Variants in HIF1AN observed in about 807,000 individuals in gnomAD.
HIF1AN encodes hypoxia inducible factor 1 subunit alpha inhibitor.
Under a neutral mutation model 47.7 loss-of-function variants are expected in HIF1AN, and 21 were observed. The observed-to-expected ratio is 0.44, with a 90% confidence interval of 0.31 to 0.63. The LOEUF (loss-of-function observed/expected upper bound fraction) is 0.63. Among genes scored for constraint, HIF1AN ranks in the 30% least tolerant of loss-of-function variants. HIF1AN has a pLI of 0.07. For synonymous variants in HIF1AN, 152 were observed against 155.9 expected, an observed-to-expected ratio of 0.98 and a Z score of 0.18; for missense variants, 320 against 432.7, an observed-to-expected ratio of 0.74 and a Z score of 2.31.
At chr10:100,541,028 C>T (rs1843022809) in intron 3 of HIF1AN, among the ~76,000 whole-genome samples, 1 of 151,736 alleles carries the variant, frequency 6.6e-6, no homozygotes, top group South Asian at 2.1e-4. Flanking sequence ...TCCCGGCCAA[C>T]ATCATGAAAC....
chr10:100,554,895 A>G lies in HIF1AN; in HGVS notation c.*6758A>G, dbSNP rs1358970383. ...TTCAGAAAAATATGAGTGGGATGTTAATAGCTACCATTTGTTGAACACTTC... is the reference window on the plus strand; with the variant it reads ...TTCAGAAAAATATGAGTGGGATGTTGATAGCTACCATTTGTTGAACACTTC... On this transcript the variant is annotated 3_prime_UTR_variant, in exon 8 of 8. Coordinates refer to ENST00000299163, the MANE Select transcript of HIF1AN (RefSeq NM_017902.3). 1 of 152,078 alleles carries G rather than the reference A, an allele frequency of 6.6e-6. No homozygotes were observed. Among genetic ancestry groups the G allele is most frequent in the African/African-American group, 2.4e-5 (1 of 41,392 alleles). The allele number at this position is 152,078 out of a possible 1,614,324, so 9.4% of individuals were successfully genotyped here. A position where few individuals can be genotyped will look rare whatever the true frequency, so the allele number is the denominator to read the frequency against.
At chr10:100,543,972 G>A (rs1361646169) in intron 3 of HIF1AN, among the ~76,000 whole-genome samples, 1 of 152,172 alleles carries the variant, frequency 6.6e-6, no homozygotes, top group African/African-American at 2.4e-5. Flanking sequence ...TCTGCTTTGA[G>A]GATGCATGTG....
intron 2 of HIF1AN, among the ~76,000 whole-genome samples, chr10:100,536,966 T>TA (rs1314713168): frequency 6.6e-6 from 1 of 152,104 alleles, no homozygotes; most frequent in Admixed American, 6.5e-5. Flanking sequence ...GTCAGGCAGG[T>TA]GAATGGAAGG....
Position 100,550,595 on chromosome 10 carries a change from A to G in HIF1AN, c.*2458A>G, listed in dbSNP as rs935418562. 1.3e-5 allele frequency: 2 copies of G among 152,234 alleles called. No homozygotes were observed. The highest frequency in any genetic ancestry group is 4.8e-5 in the African/African-American group (2 of 41,464). 9.4% of individuals were successfully genotyped at this position (152,234 alleles called of 1,614,324 possible). On this transcript the variant is annotated 3_prime_UTR_variant, in exon 8 of 8. Transcript: ENST00000299163. ...AGTATCTGAAGGCAGACCCAGCCCA[A>G]GATGGTGCAGAATATACAGCTCAGG...
intron 1 of HIF1AN, 85 bp downstream of exon 1, chr10:100,536,220 C>A: frequency 7.2e-7 from 1 of 1,383,802 alleles, no homozygotes; most frequent in Non-Finnish European, 9.9e-7. Flanking sequence ...AGATGGGAGA[C>A]TGGCAGGGCT....
chr10:100,554,450 A>G lies in HIF1AN; in HGVS notation c.*6313A>G, dbSNP rs1438583180. 6.6e-6 allele frequency: 1 copy of G among 151,282 alleles called. No homozygotes were observed. The highest frequency in any genetic ancestry group is 1.5e-5 in the Non-Finnish European group (1 of 67,872). 9.4% of individuals were successfully genotyped at this position (151,282 alleles called of 1,614,324 possible). A position where few individuals can be genotyped will look rare whatever the true frequency, so the allele number is the denominator to read the frequency against. ...CCAGGAGTTCGAACCAACCTTGGGC[A>G]GCATAGTGAGACCCCTTCTCTTAAT... is the stretch of plus-strand genomic sequence containing the variant. On this transcript the variant is annotated 3_prime_UTR_variant, in exon 8 of 8. Coordinates refer to ENST00000299163, the MANE Select transcript of HIF1AN (RefSeq NM_017902.3).
intron 2 of HIF1AN, among the ~76,000 whole-genome samples, chr10:100,538,135 G>A (rs1480875091): frequency 5.9e-5 from 9 of 152,204 alleles, no homozygotes; most frequent in Admixed American, 5.2e-4. Flanking sequence ...GAAGTTTCTT[G>A]TGTCCCATAG....
At position 100,547,261 on chromosome 10, in the gene HIF1AN, GC is replaced by G. The variant is rs1843103059; in HGVS notation, c.1005+15del. The G allele has an allele frequency of 6.3e-7, 1 of 1,579,064 alleles. No individual in the cohort carries two copies. The highest frequency in any genetic ancestry group is 8.7e-7 in the Non-Finnish European group (1 of 1,149,746). On this transcript the variant is annotated intron_variant, in intron 7 of 7. Coordinates refer to ENST00000299163, the MANE Select transcript of HIF1AN (RefSeq NM_017902.3). ...GGGAACCCACAAGAGGTAGGTGACT[GC>G]CCCAAGGTGGCTCAGTGGGTGGGTT...
intron 2 of HIF1AN, among the ~76,000 whole-genome samples, chr10:100,537,280 C>T (rs746707481): frequency 2.6e-5 from 4 of 152,112 alleles, no homozygotes; most frequent in Non-Finnish European, 5.9e-5. Context: ...AAGAGAAGTT[C>T]AAAATCAGGA....
Position 100,548,438 on chromosome 10 carries a change from ATGTT to A in HIF1AN, c.*302_*305del. 8.0e-6 allele frequency: 3 copies of A among 373,248 alleles called. No individual in the cohort carries two copies. The highest frequency in any genetic ancestry group is 1.5e-5 in the Non-Finnish European group (3 of 205,804). 23.1% of individuals were successfully genotyped at this position (373,248 alleles called of 1,614,324 possible). ...TTTGGTTGTCATCATGTCTGTGTGT[ATGTT>A]AGTCTGTCAACTTCGGAATGTGTGC... is the stretch of plus-strand genomic sequence containing the variant. On this transcript the variant is annotated 3_prime_UTR_variant, in exon 8 of 8. Coordinates refer to ENST00000299163, the MANE Select transcript of HIF1AN (RefSeq NM_017902.3).
rs1336822917 is a variant in HIF1AN, at chr10:100,555,107, GT to G, written c.*6972del. 1 of 152,210 alleles carries G rather than the reference GT, an allele frequency of 6.6e-6. No homozygotes were observed. Among genetic ancestry groups the G allele is most frequent in the Non-Finnish European group, 1.5e-5 (1 of 68,042 alleles). 9.4% of individuals were successfully genotyped at this position (152,210 alleles called of 1,614,324 possible). ...GTGGAAGATGAATAATTAACCAGAG[GT>G]TGGGGGATTTCCCCCTTAGCTTCTC... On this transcript the variant is annotated 3_prime_UTR_variant, in exon 8 of 8. Coordinates refer to ENST00000299163, the MANE Select transcript of HIF1AN (RefSeq NM_017902.3).
intron 3 of HIF1AN, 110 bp from the exon 4 acceptor site, chr10:100,544,841 A>G (rs985575916): frequency 1.9e-6 from 2 of 1,030,852 alleles, no homozygotes; most frequent in Non-Finnish European, 2.9e-6. Flanking sequence ...TTTGATTTGG[A>G]ACTTTTAGCT....
rs1241092705 is a variant in HIF1AN at position 100,554,956 on chromosome 10, T to C, written c.*6819T>C. Reference sequence around the variant, plus strand: ...ACTGTATTAGTTCGTCCCCATGTGGTGCTCTCAGATCAGTAGGGGAGACAG... The same window carrying C: ...ACTGTATTAGTTCGTCCCCATGTGGCGCTCTCAGATCAGTAGGGGAGACAG... On this transcript the variant is annotated 3_prime_UTR_variant, in exon 8 of 8. Transcript: ENST00000299163. The C allele has an allele frequency of 6.6e-6, 1 of 152,210 alleles. No individual in the cohort carries two copies. The highest frequency in any genetic ancestry group is 2.4e-5 in the African/African-American group (1 of 41,440). 9.4% of individuals were successfully genotyped at this position (152,210 alleles called of 1,614,324 possible). A position where few individuals can be genotyped will look rare whatever the true frequency, so the allele number is the denominator to read the frequency against.
chr10:100,538,911 T>TC (rs1842989397), intron 2 of HIF1AN, among the ~76,000 whole-genome samples: 1 of 149,036 alleles, frequency 6.7e-6, no homozygotes, highest in Non-Finnish European at 1.5e-5. Context: ...CTTTCTTTTT[T>TC]TTTTTTTTTT....
At chr10:100,544,673 C>T (rs1843077652) in intron 3 of HIF1AN, among the ~76,000 whole-genome samples, 1 of 152,186 alleles carries the variant, frequency 6.6e-6, no homozygotes, top group Non-Finnish European at 1.5e-5. Context: ...TTTTGATGTG[C>T]TCTTGCTTCC....
chr10:100,543,817 C>T (rs145303647), intron 3 of HIF1AN, among the ~76,000 whole-genome samples: 249 of 152,290 alleles, frequency 1.6e-3, no homozygotes, highest in African/African-American at 5.5e-3. Flanking sequence ...CATGATCCCC[C>T]GCCTTGGCCT....
Position 100,546,516 on chromosome 10 carries a change from A to G in HIF1AN, c.831-2A>G. On this transcript the variant is annotated splice_acceptor_variant, in intron 5 of 7. Coordinates refer to ENST00000299163, the MANE Select transcript of HIF1AN (RefSeq NM_017902.3). LOFTEE classifies it high-confidence loss of function. ...AACAGGAGCCTGTTTGTTTTCTTGC[A>G]GGTGGCATCACATAGAGTCATTACT... 1.9e-6 allele frequency: 3 copies of G among 1,541,192 alleles called. No homozygotes were observed. The highest frequency in any genetic ancestry group is 2.6e-6 in the Non-Finnish European group (3 of 1,143,154).
In HIF1AN at chr10:100,548,187, C is replaced by T. The variant is rs1843112926; in HGVS notation, c.*50C>T. ...CCAGGTGACTGCTATCCCGTCCACA[C>T]CGCTTCATTGATGAGGACAGGAGAC... On this transcript the variant is annotated 3_prime_UTR_variant, in exon 8 of 8. Coordinates refer to ENST00000299163, the MANE Select transcript of HIF1AN (RefSeq NM_017902.3). 10 of 1,498,550 alleles carry T rather than the reference C, an allele frequency of 6.7e-6. No individual in the cohort carries two copies. The highest frequency in any genetic ancestry group is 9.1e-6 in the Non-Finnish European group (10 of 1,097,462). The allele number at this position is 1,498,550 out of a possible 1,614,324, so 92.8% of individuals were successfully genotyped here. A position where few individuals can be genotyped will look rare whatever the true frequency, so the allele number is the denominator to read the frequency against.
intron 3 of HIF1AN, 103 bp downstream of exon 3, chr10:100,540,885 C>A: frequency 9.4e-7 from 1 of 1,064,762 alleles, no homozygotes; most frequent in Non-Finnish European, 1.3e-6. Flanking sequence ...CAAGCCACTT[C>A]ACTTTCTTAA....
Sources: allele counts gnomAD v4.1 joint callset (sites outside exome capture counted in the v4.1 genomes callset), GRCh38; gene constraint gnomAD v4.1.1; transcripts MANE v1.5; gene names NCBI Gene and HGNC (gene_info 2026-07-23, HGNC 2026-07-21).